TOR4A: variants seen among roughly 807,000 people sequenced by gnomAD.
TOR4A encodes the protein torsin family 4 member A.
A neutral mutation model predicts 11.5 loss-of-function variants in TOR4A; 12 were observed. The observed-to-expected ratio is 1.04, with a 90% CI of 0.67 to 1.69. The LOEUF (loss-of-function observed/expected upper bound fraction) is 1.69, where lower values mean the gene tolerates loss of function less well. Among genes scored for constraint, TOR4A ranks in the 40% most tolerant of loss-of-function variants. The probability of loss-of-function intolerance (pLI) is 0.00; values close to 1 mark genes in which losing one functional copy is unlikely to be tolerated. For synonymous variants in TOR4A, 362 were observed against 307.4 expected, an observed-to-expected ratio of 1.18 and a Z score of -1.86; for missense variants, 640 against 643.2, an observed-to-expected ratio of 0.99 and a Z score of 0.05.
Position 137,278,986 on chromosome 9 carries a change from G to A in TOR4A, c.297G>A (p.Leu99=). 6.2e-7 allele frequency: 1 copy of A among 1,606,842 alleles called. No individual in the cohort carries two copies. The highest frequency in any genetic ancestry group is 8.5e-7 in the Non-Finnish European group (1 of 1,177,834). ...TPRKKRRRSR[L]VLYPETSRKY... ...GCAAGAAGCGCCGGCGCAGCCGCCT[G>A]GTGCTTTACCCGGAGACCTCGCGCA... The change falls in exon 2 of 2, where the codon CTG becomes CTA. Residue 99 remains leucine (L), a synonymous_variant. Transcript: ENST00000357503.
rs9802435 is a variant in TOR4A at position 137,281,294 on chromosome 9, C to G, written c.*1333C>G. 1.4e-3 allele frequency: 226 copies of G among 161,506 alleles called. 1 individual carries two copies. The highest frequency in any genetic ancestry group is 2.8e-3 in the Non-Finnish European group (189 of 68,050). 10.0% of individuals were successfully genotyped at this position (161,506 alleles called of 1,614,324 possible). A position where few individuals can be genotyped will look rare whatever the true frequency, so the allele number is the denominator to read the frequency against. ...GGAGGCGGGGCCGCGCCGGAAGCCC[C>G]GAGTCGAGCGCACACGGCGGGCGCC... On this transcript the variant is annotated 3_prime_UTR_variant, in exon 2 of 2. Coordinates refer to ENST00000357503, the MANE Select transcript of TOR4A (RefSeq NM_017723.3).
At position 137,279,418 on chromosome 9, in the gene TOR4A, G is replaced by A; in HGVS notation, c.729G>A (p.Leu243=). ...ARAAQDCREE[L]ARRVADVVAR... is the part of the protein sequence containing the mutation. Reference sequence around the variant, plus strand: ...CCGCACAGGACTGCCGCGAGGAGCTGGCGCGGCGCGTGGCCGACGTGGTGG... The same window carrying A: ...CCGCACAGGACTGCCGCGAGGAGCTAGCGCGGCGCGTGGCCGACGTGGTGG... Residue 243 remains leucine (L), a synonymous_variant, in exon 2 of 2, where the codon CTG becomes CTA. Coordinates refer to ENST00000357503, the MANE Select transcript of TOR4A (RefSeq NM_017723.3). 1 of 1,534,612 alleles carries A rather than the reference G, an allele frequency of 6.5e-7. No individual in the cohort carries two copies. Among genetic ancestry groups the A allele is most frequent in the Non-Finnish European group, 8.8e-7 (1 of 1,141,160 alleles).
At position 137,279,725 on chromosome 9, in the gene TOR4A, G is replaced by T. The variant is rs551859834; in HGVS notation, c.1036G>T (p.Ala346Ser). 1.1e-5 allele frequency: 17 copies of T among 1,574,714 alleles called. No homozygotes were observed. The highest frequency in any genetic ancestry group is 2.3e-5 in the South Asian group (2 of 88,038). Residue 346 changes from alanine to serine, a missense_variant, in exon 2 of 2, where the codon GCT becomes TCT. Coordinates refer to ENST00000357503, the MANE Select transcript of TOR4A (RefSeq NM_017723.3). ...AGAAGACCTGCGCGCCAGCCTGCTG[G>T]CTGTGCTGTCCCGGGAGCATCCGCT... Reference protein sequence around the residue: ...AEEDLRASLLAVLSREHPLWQ... With the variant: ...AEEDLRASLLSVLSREHPLWQ...
Position 137,278,818 on chromosome 9 carries a change from C to G in TOR4A, c.129C>G (p.Arg43=), listed in dbSNP as rs1830676903. The change falls in exon 2 of 2, where the codon CGC becomes CGG. Residue 43 remains arginine, a synonymous_variant. Transcript: ENST00000357503. ...GGGTGTGTGTCCTACGCAAACGGCG[C>G]CTCCTGCAGCCGGGTGGGGGGCCCG... The part of the protein sequence containing the change: ...RRRVCVLRKR[R]LLQPGGGPDV... 5 of 1,483,390 alleles carry G rather than the reference C, an allele frequency of 3.4e-6. No individual in the cohort carries two copies. The highest frequency in any genetic ancestry group is 3.5e-6 in the Non-Finnish European group (4 of 1,127,262). 91.9% of individuals were successfully genotyped at this position (1,483,390 alleles called of 1,614,324 possible).
rs777640242 is a variant in TOR4A, at chr9:137,279,877, G to A, written c.1188G>A (p.Ala396=). 57 of 1,582,562 alleles carry A rather than the reference G, an allele frequency of 3.6e-5. No individual in the cohort carries two copies. The highest frequency in any genetic ancestry group is 3.9e-5 in the Non-Finnish European group (46 of 1,167,768). Residue 396 remains alanine (A), a synonymous_variant, in exon 2 of 2, where the codon GCG becomes GCA. Transcript: ENST00000357503. ...PDQARAENLA[A]QLSFYRVAGR... ...AGGCCCGCGCGGAGAACCTGGCCGC[G>A]CAGCTCAGCTTCTACCGCGTGGCTG...
Position 137,279,128 on chromosome 9 carries a change from C to T in TOR4A, c.439C>T (p.Arg147Cys). Reference protein sequence around the residue: ...AIENLDDNAQRYDLDGLEKAL... With the variant: ...AIENLDDNAQCYDLDGLEKAL... ...CGAGAACCTGGACGATAACGCGCAG[C>T]GCTATGACCTCGACGGGCTGGAGAA... is the stretch of plus-strand genomic sequence containing the variant. Residue 147 changes from arginine (R) to cysteine (C), a missense_variant, in exon 2 of 2, where the codon CGC (arginine) becomes TGC (cysteine). Transcript: ENST00000357503. The T allele has an allele frequency of 6.3e-7, 1 of 1,588,100 alleles. No individual in the cohort carries two copies.
In TOR4A at chr9:137,279,502, G is replaced by A. The variant is rs2119001153; in HGVS notation, c.813G>A (p.Met271Ile). ...PLLVLDDVELMPRPLLDELHG... is the reference protein window; with the variant it reads ...PLLVLDDVELIPRPLLDELHG... ...TGGTGCTGGACGACGTGGAGCTCAT[G>A]CCGCGGCCGCTGCTGGACGAGCTGC... Residue 271 changes from methionine to isoleucine, a missense_variant, in exon 2 of 2, where the codon ATG becomes ATA. By Grantham distance (10) the Met-to-Ile change is conservative. Coordinates refer to ENST00000357503, the MANE Select transcript of TOR4A (RefSeq NM_017723.3). 1.3e-6 allele frequency: 2 copies of A among 1,575,172 alleles called. No homozygotes were observed. Among genetic ancestry groups the A allele is most frequent in the East Asian group, 2.3e-5 (1 of 42,810 alleles).
rs780471045 is a variant in TOR4A at position 137,279,439 on chromosome 9, G to C, written c.750G>C (p.Val250=). 2 of 1,537,704 alleles carry C rather than the reference G, an allele frequency of 1.3e-6. No homozygotes were observed. The highest frequency in any genetic ancestry group is 2.4e-5 in the South Asian group (2 of 83,856). Residue 250 remains valine (V), a synonymous_variant, in exon 2 of 2, where the codon GTG becomes GTC. Coordinates refer to ENST00000357503, the MANE Select transcript of TOR4A (RefSeq NM_017723.3). The stretch of plus-strand genomic sequence containing the variant: ...AGCTGGCGCGGCGCGTGGCCGACGT[G>C]GTGGCGCGGGCCGAAGCGGAGGAGA... ...REELARRVAD[V]VARAEAEEKT...
Position 137,278,129 on chromosome 9 carries a change from T to C in TOR4A, c.-38+222T>C, listed in dbSNP as rs544591819. ...TGAGCCTGGGGACGGGGCCCGGGCC[T>C]ATTCTCAAAATCATAAGTTCCAGCC... On this transcript the variant is annotated intron_variant, in intron 1 of 1. Transcript: ENST00000357503. 2.0e-5 allele frequency among the ~76,000 whole-genome samples: 3 copies of C among 152,242 alleles called. No homozygotes were observed. The East Asian group carries it at 5.8e-4, about 29-fold the overall frequency.
Position 137,279,383 on chromosome 9 carries a change from G to A in TOR4A, c.694G>A (p.Glu232Lys), listed in dbSNP as rs1486565593. 5.3e-6 allele frequency: 8 copies of A among 1,521,372 alleles called. No individual in the cohort carries two copies. In the African/African-American group the frequency reaches 5.5e-5, roughly 11 times the overall value. The allele number at this position is 1,521,372 out of a possible 1,614,324, so 94.2% of individuals were successfully genotyped here. Residue 232 changes from glutamate (E) to lysine (K), a missense_variant, in exon 2 of 2, where the codon GAG becomes AAG. Physicochemically the swap from Glu to Lys is moderately conservative, Grantham distance 56. Transcript: ENST00000357503. Reference protein sequence around the residue: ...LQYHARHHCPEARAAQDCREE... With the variant: ...LQYHARHHCPKARAAQDCREE... ...ATACCATGCGCGGCACCACTGCCCC[G>A]AGGCGCGCGCCGCACAGGACTGCCG... is the stretch of plus-strand genomic sequence containing the variant.
At position 137,281,841 on chromosome 9, in the gene TOR4A, G is replaced by A. The variant is rs1830723574; in HGVS notation, c.*1880G>A. ...CTGTCCACCCCAACCCCAGGGCTAGGGGAAGGAGCTGGGAGAAGGAGCCCC... is the reference window on the plus strand; with the variant it reads ...CTGTCCACCCCAACCCCAGGGCTAGAGGAAGGAGCTGGGAGAAGGAGCCCC... On this transcript the variant is annotated 3_prime_UTR_variant, in exon 2 of 2. Coordinates refer to ENST00000357503, the MANE Select transcript of TOR4A (RefSeq NM_017723.3). 6.0e-6 allele frequency: 1 copy of A among 166,994 alleles called. No homozygotes were observed. Among genetic ancestry groups the A allele is most frequent in the Non-Finnish European group, 1.5e-5 (1 of 68,234 alleles). 10.3% of individuals were successfully genotyped at this position (166,994 alleles called of 1,614,324 possible). A position where few individuals can be genotyped will look rare whatever the true frequency, so the allele number is the denominator to read the frequency against.
Position 137,282,437 on chromosome 9 carries a change from G to C in TOR4A, c.*2476G>C, listed in dbSNP as rs1335086125. 6.1e-6 allele frequency: 1 copy of C among 162,708 alleles called. No individual in the cohort carries two copies. The highest frequency in any genetic ancestry group is 2.4e-5 in the African/African-American group (1 of 41,414). The allele number at this position is 162,708 out of a possible 1,614,324, so 10.1% of individuals were successfully genotyped here. ...AGGCTAGTCACGAACTCCTGACCTCGTGATCCGCCCACCTCGGCCTCCCAA... is the reference window on the plus strand; with the variant it reads ...AGGCTAGTCACGAACTCCTGACCTCCTGATCCGCCCACCTCGGCCTCCCAA... On this transcript the variant is annotated 3_prime_UTR_variant, in exon 2 of 2. Coordinates refer to ENST00000357503, the MANE Select transcript of TOR4A (RefSeq NM_017723.3).
rs1199814365 is a variant in TOR4A, at chr9:137,279,381, C to T, written c.692C>T (p.Pro231Leu). The change falls in exon 2 of 2, where the codon CCC becomes CTC. Residue 231 changes from proline (P) to leucine (L), a missense_variant. Coordinates refer to ENST00000357503, the MANE Select transcript of TOR4A (RefSeq NM_017723.3). ...CAATACCATGCGCGGCACCACTGCC[C>T]CGAGGCGCGCGCCGCACAGGACTGC... is the stretch of plus-strand genomic sequence containing the variant. ...VLQYHARHHC[P>L]EARAAQDCRE... 14 of 1,520,636 alleles carry T rather than the reference C, an allele frequency of 9.2e-6. No individual in the cohort carries two copies. Among genetic ancestry groups the T allele is most frequent in the Middle Eastern group, 1.8e-4 (1 of 5,504 alleles). 94.2% of individuals were successfully genotyped at this position (1,520,636 alleles called of 1,614,324 possible). A position where few individuals can be genotyped will look rare whatever the true frequency, so the allele number is the denominator to read the frequency against.
chr9:137,278,697 G>A lies in TOR4A; in HGVS notation c.8G>A (p.Arg3His). The change falls in exon 2 of 2, where the codon CGC (arginine) becomes CAC (histidine). Residue 3 changes from arginine to histidine, a missense_variant. Arg to His is a conservative substitution (Grantham distance 29, BLOSUM62 0). Coordinates refer to ENST00000357503, the MANE Select transcript of TOR4A (RefSeq NM_017723.3). ...GAGCGCCGTTCCTGCGACATGGACC[G>A]CGGCCAGCCCAGCCTGGAGCCTGCT... The part of the protein sequence containing the change: MD[R>H]GQPSLEPAAA... The A allele has an allele frequency of 1.5e-6, 2 of 1,346,284 alleles. No homozygotes were observed. Among genetic ancestry groups the A allele is most frequent in the Non-Finnish European group, 1.9e-6 (2 of 1,053,134 alleles). 83.4% of individuals were successfully genotyped at this position (1,346,284 alleles called of 1,614,324 possible). A position where few individuals can be genotyped will look rare whatever the true frequency, so the allele number is the denominator to read the frequency against.
At position 137,279,405 on chromosome 9, in the gene TOR4A, G is replaced by A; in HGVS notation, c.716G>A (p.Cys239Tyr). The change falls in exon 2 of 2, where the codon TGC becomes TAC. Residue 239 changes from cysteine to tyrosine, a missense_variant. Transcript: ENST00000357503. ...CCCGAGGCGCGCGCCGCACAGGACTGCCGCGAGGAGCTGGCGCGGCGCGTG... is the reference window on the plus strand; with the variant it reads ...CCCGAGGCGCGCGCCGCACAGGACTACCGCGAGGAGCTGGCGCGGCGCGTG... Reference protein sequence around the residue: ...HCPEARAAQDCREELARRVAD... With the variant: ...HCPEARAAQDYREELARRVAD... The A allele has an allele frequency of 1.3e-6, 2 of 1,533,452 alleles. No individual in the cohort carries two copies. The highest frequency in any genetic ancestry group is 1.7e-4 in the Middle Eastern group (1 of 5,716). 95.0% of individuals were successfully genotyped at this position (1,533,452 alleles called of 1,614,324 possible).
Position 137,279,952 on chromosome 9 carries a change from C to A in TOR4A, c.1263C>A (p.Asn421Lys). The A allele has an allele frequency of 6.3e-7, 1 of 1,576,528 alleles. No individual in the cohort carries two copies. Among genetic ancestry groups the A allele is most frequent in the South Asian group, 1.2e-5 (1 of 86,800 alleles). Residue 421 changes from asparagine (N) to lysine (K), a missense_variant, in exon 2 of 2, where the codon AAC becomes AAA. Transcript: ENST00000357503. ...TGCKQVVATV[N>K]LL ...GCAAGCAGGTGGTGGCCACGGTGAA[C>A]CTCCTGTAGTGGAGGCGCAGGACGG...
chr9:137,279,446 CG>C lies in TOR4A; in HGVS notation c.760del (p.Ala254ProfsTer167). The C allele has an allele frequency of 6.5e-7, 1 of 1,539,246 alleles. No individual in the cohort carries two copies. The highest frequency in any genetic ancestry group is 8.8e-7 in the Non-Finnish European group (1 of 1,142,662). ...LARRVADVVA[R>X]AEAEEKTPLL... Reference sequence around the variant, plus strand: ...GCGGCGCGTGGCCGACGTGGTGGCGCGGGCCGAAGCGGAGGAGAAGACCCCA... The same window carrying C: ...GCGGCGCGTGGCCGACGTGGTGGCGCGGCCGAAGCGGAGGAGAAGACCCCA... On this transcript the variant is annotated frameshift_variant, in exon 2 of 2. Transcript: ENST00000357503. LOFTEE classifies it low-confidence loss of function (END_TRUNC).
At position 137,280,223 on chromosome 9, in the gene TOR4A, G is replaced by A. The variant is rs1355069269; in HGVS notation, c.*262G>A. ...GGGCGTCCCAGGCATGGTCTGGTGC[G>A]TTCTCCCTGTGGCCCCAAGAGGTGG... On this transcript the variant is annotated 3_prime_UTR_variant, in exon 2 of 2. Coordinates refer to ENST00000357503, the MANE Select transcript of TOR4A (RefSeq NM_017723.3). 1 of 566,972 alleles carries A rather than the reference G, an allele frequency of 1.8e-6. No homozygotes were observed. Among genetic ancestry groups the A allele is most frequent in the South Asian group, 2.5e-5 (1 of 39,604 alleles). 35.1% of individuals were successfully genotyped at this position (566,972 alleles called of 1,614,324 possible).
chr9:137,279,315 G>A lies in TOR4A; in HGVS notation c.626G>A (p.Arg209His). 2 of 1,534,132 alleles carry A rather than the reference G, an allele frequency of 1.3e-6. No homozygotes were observed. The highest frequency in any genetic ancestry group is 1.2e-5 in the South Asian group (1 of 83,902). The change falls in exon 2 of 2, where the codon CGC (arginine) becomes CAC (histidine). Residue 209 changes from arginine (R) to histidine (H), a missense_variant. Physicochemically the swap from Arg to His is conservative, Grantham distance 29. Transcript: ENST00000357503. The part of the protein sequence containing the change: ...GKSHVGRLLA[R>H]HFRSVLEDSA... ...AGCCACGTGGGCCGCCTGCTGGCGC[G>A]CCACTTCCGCTCGGTGCTGGAGGAC...
Sources: gnomAD v4.1 joint callset for allele counts (sites outside exome capture counted in the v4.1 genomes callset) on GRCh38, gnomAD v4.1.1 for gene constraint, MANE v1.5 for transcripts, NCBI Gene and HGNC (gene_info 2026-07-23, HGNC 2026-07-21) for gene names.